Variants in RASSF3 observed in about 807,000 individuals in gnomAD.
The protein encoded by RASSF3 is ras association domain-containing protein 3.
RASSF3 carries 19 observed loss-of-function variants against 19.9 expected under a neutral mutation model. The observed-to-expected ratio is 0.96, with a 90% CI of 0.67 to 1.40. The LOEUF (loss-of-function observed/expected upper bound fraction) is 1.40, where lower values mean the gene tolerates loss of function less well. RASSF3 is among the 40% of genes most tolerant of loss of function. The pLI, the probability that RASSF3 is intolerant of heterozygous loss-of-function variation, is 0.00. For missense variants in RASSF3, 306 were observed against 289.8 expected, an observed-to-expected ratio of 1.06 and a Z score of -0.41; for synonymous variants, 110 against 104.2, an observed-to-expected ratio of 1.06 and a Z score of -0.34.
At chr12:64,627,965 A>G (rs1592429953) in intron 1 of RASSF3, among the ~76,000 whole-genome samples, 2 of 152,238 alleles carry the variant, frequency 1.3e-5, no homozygotes, top group Non-Finnish European at 2.9e-5. Context: ...AGGGCTTCAC[A>G]AATGTTTTGA....
At chr12:64,527,008 A>G (rs950788176) in intron 1 of RASSF3, among the ~76,000 whole-genome samples, 1 of 152,236 alleles carries the variant, frequency 6.6e-6, no homozygotes, top group Non-Finnish European at 1.5e-5. Flanking sequence ...ATGTACATAT[A>G]CCACATGTTC....
At chr12:64,627,778 T>G (rs933603773) in intron 1 of RASSF3, among the ~76,000 whole-genome samples, 43 of 152,182 alleles carry the variant, frequency 2.8e-4, no homozygotes, top group Non-Finnish European at 5.7e-4. Flanking sequence ...GGTATGGAGA[T>G]CTAGCTCCTA....
chr12:64,599,950 T>A (rs1240904664), intron 2 of RASSF3, among the ~76,000 whole-genome samples: 1 of 141,372 alleles, frequency 7.1e-6, no homozygotes, highest in Non-Finnish European at 1.5e-5. Flanking sequence ...GAGAATGGCG[T>A]GAACCCAGGA....
chr12:64,615,453 CTA>C, intron 1 of RASSF3, among the ~76,000 whole-genome samples: 1 of 152,310 alleles, frequency 6.6e-6, no homozygotes, highest in Middle Eastern at 3.4e-3. Context: ...GTAAGTAAGT[CTA>C]TTAGACTCCC....
At chr12:64,610,231 C>T (rs1870287466), upstream of RASSF3, among the ~76,000 whole-genome samples, 1 of 152,090 alleles carries the variant, frequency 6.6e-6, no homozygotes, top group African/African-American at 2.4e-5. Context: ...GAGGAAGCGA[C>T]CCGAGCACAG....
intron 2 of RASSF3, among the ~76,000 whole-genome samples, chr12:64,601,048 G>C (rs1249257559): frequency 6.6e-6 from 1 of 152,086 alleles, no homozygotes; most frequent in Non-Finnish European, 1.5e-5. Flanking sequence ...AACACTTTGG[G>C]AGGCCACAGT....
chr12:64,636,920 T>G (rs1178838073), intron 1 of RASSF3, among the ~76,000 whole-genome samples: 2 of 151,876 alleles, frequency 1.3e-5, no homozygotes, highest in South Asian at 2.1e-4. Context: ...ACACTGGGAT[T>G]CCTTAAATGC....
At chr12:64,563,245 C>T (rs1869377967) in intron 2 of RASSF3, among the ~76,000 whole-genome samples, 1 of 151,670 alleles carries the variant, frequency 6.6e-6, no homozygotes. Context: ...CGGCTTACTA[C>T]AACCTCCGCC....
chr12:64,649,232 G>A (rs1310944889), intron 1 of RASSF3, among the ~76,000 whole-genome samples: 2 of 148,934 alleles, frequency 1.3e-5, no homozygotes, highest in African/African-American at 2.5e-5. Flanking sequence ...TCGCTCTGTC[G>A]CCCAGGCTGG....
chr12:64,619,837 A>C (rs1870685075), intron 1 of RASSF3, among the ~76,000 whole-genome samples: 1 of 151,960 alleles, frequency 6.6e-6, no homozygotes, highest in Non-Finnish European at 1.5e-5. Context: ...AAAATTAGGC[A>C]GGCATGGTGG....
intron 4 of RASSF3, among the ~76,000 whole-genome samples, chr12:64,693,624 G>A (rs1435844624): frequency 1.3e-5 from 2 of 151,990 alleles, no homozygotes; most frequent in East Asian, 3.9e-4. Context: ...TCACTATTTT[G>A]CCCAGGCTGG....
chr12:64,549,318 G>A (rs1192529487), intron 2 of RASSF3, among the ~76,000 whole-genome samples: 1 of 152,168 alleles, frequency 6.6e-6, no homozygotes, highest in Non-Finnish European at 1.5e-5. Flanking sequence ...GGACAACATA[G>A]TGAGACCCTA....
At chr12:64,517,383 A>C (rs1052038732) in intron 1 of RASSF3, among the ~76,000 whole-genome samples, 1 of 152,170 alleles carries the variant, frequency 6.6e-6, no homozygotes, top group Non-Finnish European at 1.5e-5. Context: ...GAAACAAAAT[A>C]AAATGTTCTA....
chr12:64,547,777 C>T (rs1869094055), intron 2 of RASSF3, among the ~76,000 whole-genome samples: 1 of 152,236 alleles, frequency 6.6e-6, no homozygotes, highest in Non-Finnish European at 1.5e-5. Context: ...CCCCCACAAC[C>T]TTGATTCAGG....
At chr12:64,568,677 C>A (rs1474767140) in intron 2 of RASSF3, among the ~76,000 whole-genome samples, 1 of 151,990 alleles carries the variant, frequency 6.6e-6, no homozygotes, top group Middle Eastern at 3.2e-3. Context: ...CACCCACCAA[C>A]CCCAGCCCTA....
upstream of RASSF3, among the ~76,000 whole-genome samples, chr12:64,608,462 G>A (rs1342232512): frequency 3.9e-5 from 6 of 152,050 alleles, no homozygotes; most frequent in Non-Finnish European, 7.4e-5. Flanking sequence ...GCTGGCGCAC[G>A]CTACCACGCC....
At chr12:64,600,347 G>C (rs1190727425) in intron 2 of RASSF3, among the ~76,000 whole-genome samples, 1 of 151,950 alleles carries the variant, frequency 6.6e-6, no homozygotes, top group East Asian at 1.9e-4. Flanking sequence ...TGCTCTTCAG[G>C]TTTTTGTCCC....
intron 1 of RASSF3, among the ~76,000 whole-genome samples, chr12:64,514,889 C>T (rs572146500): frequency 6.6e-6 from 1 of 152,196 alleles, no homozygotes; most frequent in African/African-American, 2.4e-5. Context: ...GTTGAACTTT[C>T]TCTGTCCAAA....
intron 1 of RASSF3, among the ~76,000 whole-genome samples, chr12:64,614,299 A>G (rs947362509): frequency 6.6e-6 from 1 of 151,922 alleles, no homozygotes; most frequent in African/African-American, 2.4e-5. Context: ...ATATCCAGCT[A>G]AATTTTGTAG....
Sources: gnomAD v4.1 joint callset for allele counts (sites outside exome capture counted in the v4.1 genomes callset) on GRCh38, gnomAD v4.1.1 for gene constraint, MANE v1.5 for transcripts, NCBI Gene and HGNC (gene_info 2026-07-23, HGNC 2026-07-21) for gene names.